SMG6: variants seen among roughly 807,000 people sequenced by gnomAD.
SMG6 encodes SMG6 nonsense mediated mRNA decay factor.
Under a neutral mutation model 142.2 loss-of-function variants are expected in SMG6, and 66 were observed. The ratio of observed to expected loss-of-function variants is 0.46; its 90% CI spans 0.38 to 0.57. The LOEUF is 0.57. Among genes scored for constraint, SMG6 ranks in the 20% least tolerant of loss-of-function variants. The pLI is 0.00. For missense variants in SMG6, 1,793 were observed against 1,832.0 expected, an observed-to-expected ratio of 0.98 and a Z score of 0.39; for synonymous variants, 779 against 702.4, an observed-to-expected ratio of 1.11 and a Z score of -1.72.
intron 8 of SMG6, among the ~76,000 whole-genome samples, chr17:2,250,347 T>A (rs1264693877): frequency 6.6e-6 from 1 of 152,182 alleles, no homozygotes; most frequent in Non-Finnish European, 1.5e-5. Flanking sequence ...GGAGCATAAA[T>A]TATTATTCTC....
chr17:2,281,847 C>A (rs1247017549), intron 8 of SMG6, among the ~76,000 whole-genome samples: 1 of 152,046 alleles, frequency 6.6e-6, no homozygotes, highest in Non-Finnish European at 1.5e-5. Flanking sequence ...TCTCCCCCAG[C>A]CAGCCTCAGC....
chr17:2,283,713 T>A lies in SMG6; in HGVS notation c.2360A>T (p.Tyr787Phe), dbSNP rs936203498. Residue 787 changes from tyrosine (Y) to phenylalanine (F), a missense_variant, in exon 7 of 19, where the codon TAT becomes TTT. Physicochemically the swap from Tyr to Phe is conservative, Grantham distance 22. Coordinates refer to ENST00000263073, the MANE Select transcript of SMG6 (RefSeq NM_017575.5). ...VYTRRKLDAVYYYMRSLAASN... is the reference protein window; with the variant it reads ...VYTRRKLDAVFYYMRSLAASN... ...GGCAGCTAAACTGCGCATATAGTAATAGACAGCGTCAAGCTTCCTCCTCTG... is the reference window on the plus strand; with the variant it reads ...GGCAGCTAAACTGCGCATATAGTAAAAGACAGCGTCAAGCTTCCTCCTCTG... 6 of 1,613,892 alleles carry A rather than the reference T, an allele frequency of 3.7e-6. No individual in the cohort carries two copies. Among genetic ancestry groups the A allele is most frequent in the Non-Finnish European group, 5.1e-6 (6 of 1,179,974 alleles).
chr17:2,273,361 T>A (rs1555570441), intron 8 of SMG6, among the ~76,000 whole-genome samples: 1 of 151,894 alleles, frequency 6.6e-6, no homozygotes, highest in Non-Finnish European at 1.5e-5. Context: ...ACTCAAAATA[T>A]AAAAATTAGC....
intron 8 of SMG6, among the ~76,000 whole-genome samples, chr17:2,282,390 C>CA (rs576759563): frequency 0.057 from 4,811 of 84,236 alleles, 123 homozygotes; most frequent in African/African-American, 0.076. Context: ...CAAAAAGCAG[C>CA]AAAAAAAAAA....
At chr17:2,298,500 A>G (rs1482040215) in intron 2 of SMG6, among the ~76,000 whole-genome samples, 1 of 152,140 alleles carries the variant, frequency 6.6e-6, no homozygotes, top group African/African-American at 2.4e-5. Context: ...CAGGCGGATC[A>G]CGAGGTCAGG....
At chr17:2,072,879 T>C (rs2068144638) in intron 15 of SMG6, 2 of 152,320 alleles carry the variant, frequency 1.3e-5, no homozygotes, top group African/African-American at 4.8e-5. Context: ...AATTTCCACA[T>C]TCACCTTATA....
At chr17:2,215,084 C>T (rs1310495659) in intron 10 of SMG6, among the ~76,000 whole-genome samples, 1 of 152,188 alleles carries the variant, frequency 6.6e-6, no homozygotes, top group East Asian at 1.9e-4. Flanking sequence ...TTGGATAAAA[C>T]ACAGCTCTGG....
In SMG6 at chr17:2,300,804, G is replaced by A. The variant is rs887687539; in HGVS notation, c.89-140C>T. 10 of 725,202 alleles carry A rather than the reference G, an allele frequency of 1.4e-5. No individual in the cohort carries two copies. The African/African-American group carries it at 1.6e-4, about 12-fold the overall frequency. 44.9% of individuals were successfully genotyped at this position (725,202 alleles called of 1,614,324 possible). A position where few individuals can be genotyped will look rare whatever the true frequency, so the allele number is the denominator to read the frequency against. On this transcript the variant is annotated intron_variant, in intron 1 of 18. Transcript: ENST00000263073. The stretch of plus-strand genomic sequence containing the variant: ...ACATATCCAAATGCTAATACTGGTA[G>A]GCAAAGAAGGACATTTCTGTAGAAG...
chr17:2,144,225 A>G (rs964784614), intron 13 of SMG6, among the ~76,000 whole-genome samples: 2 of 151,706 alleles, frequency 1.3e-5, no homozygotes, highest in African/African-American at 2.4e-5. Flanking sequence ...CGCCCAGCTA[A>G]TTTTTATATT....
At chr17:2,169,050 CTT>C (rs757386773) in intron 13 of SMG6, among the ~76,000 whole-genome samples, 3 of 143,688 alleles carry the variant, frequency 2.1e-5, no homozygotes, top group Non-Finnish European at 1.5e-5. Context: ...CCAGCCAAAA[CTT>C]TTTTTTTTTT....
chr17:2,188,761 G>GT (rs2072070750), intron 10 of SMG6, among the ~76,000 whole-genome samples: 1 of 152,154 alleles, frequency 6.6e-6, no homozygotes, highest in African/African-American at 2.4e-5. Flanking sequence ...CCCAGGAACG[G>GT]TTACCTCAGG....
chr17:2,269,112 C>T lies in SMG6; in HGVS notation c.2661+13535G>A, dbSNP rs898706377. On this transcript the variant is annotated intron_variant, in intron 8 of 18. Transcript: ENST00000263073. ...CCAGCTACTCATAGTCCCAGCTACC[C>T]GAGAGGCTGCGGCAGGAGAATGGTT... 1.7e-4 allele frequency among the ~76,000 whole-genome samples: 26 copies of T among 150,242 alleles called. 2 individuals are homozygous for T. In the Middle Eastern group the frequency reaches 0.025, roughly 142 times the overall value.
In SMG6 at chr17:2,068,691, G is replaced by C. The variant is rs552862656; in HGVS notation, c.3835+87C>G. ...TCTTACACACGCACAGCAGGGCTCT[G>C]CCTGCCTGGCCCCCAGGCCGTGGGG... On this transcript the variant is annotated intron_variant, in intron 16 of 18. Transcript: ENST00000263073. The surrounding 1 kb of genome is among the most constrained non-coding windows in gnomAD (Gnocchi z 6.7). The C allele has an allele frequency of 6.3e-6, 9 of 1,420,650 alleles. No individual in the cohort carries two copies. The African/African-American group carries it at 1.1e-4, about 18-fold the overall frequency. 88.0% of individuals were successfully genotyped at this position (1,420,650 alleles called of 1,614,324 possible).
intron 13 of SMG6, among the ~76,000 whole-genome samples, chr17:2,156,335 A>C (rs2071001776): frequency 7.0e-6 from 1 of 142,048 alleles, no homozygotes; most frequent in Admixed American, 7.3e-5. Context: ...TGGAGGATGA[A>C]GTGAGCTGAG....
At chr17:2,112,433 G>A (rs891711709) in intron 13 of SMG6, among the ~76,000 whole-genome samples, 12 of 151,442 alleles carry the variant, frequency 7.9e-5, no homozygotes, top group African/African-American at 1.7e-4. Context: ...GCATGAACCC[G>A]GGAGGCGGAG....
At chr17:2,079,282 G>A (rs979963171) in intron 15 of SMG6, among the ~76,000 whole-genome samples, 3 of 152,184 alleles carry the variant, frequency 2.0e-5, no homozygotes, top group Non-Finnish European at 2.9e-5. Flanking sequence ...GACTTTTGAC[G>A]CAACAGTTTC....
chr17:2,061,875 A>G (rs989496341), intron 18 of SMG6: 29 of 446,482 alleles, frequency 6.5e-5, no homozygotes, highest in Non-Finnish European at 3.7e-5. Context: ...CTAGTTCCCA[A>G]AAGCTGCCCA....
intron 13 of SMG6, among the ~76,000 whole-genome samples, chr17:2,136,385 T>TCAAC (rs2070304426): frequency 6.6e-6 from 1 of 152,196 alleles, no homozygotes. Flanking sequence ...CTGTTATCAG[T>TCAAC]CAACCACACA....
chr17:2,287,694 A>G (rs1414558225), intron 6 of SMG6, among the ~76,000 whole-genome samples: 1 of 152,208 alleles, frequency 6.6e-6, no homozygotes, highest in Non-Finnish European at 1.5e-5. Flanking sequence ...TGGTATATAT[A>G]CACAATGAAA....
Sources: allele counts gnomAD v4.1 joint callset (sites outside exome capture counted in the v4.1 genomes callset), GRCh38; gene constraint gnomAD v4.1.1; non-coding constraint Gnocchi (gnomAD v3.1); transcripts MANE v1.5; gene names NCBI Gene and HGNC (gene_info 2026-07-23, HGNC 2026-07-21).